ZNF618: variants seen among roughly 807,000 people sequenced by gnomAD.
ZNF618 encodes the protein zinc finger protein 618.
Under a neutral mutation model 103.0 loss-of-function variants are expected in ZNF618, and 34 were observed. The ratio of observed to expected loss-of-function variants is 0.33; its 90% CI spans 0.25 to 0.44. The LOEUF is 0.44. Ranked by LOEUF, ZNF618 falls within the 20% of genes least tolerant of loss-of-function variation. ZNF618 has a pLI of 1.00. For synonymous variants in ZNF618, 551 were observed against 542.2 expected, an observed-to-expected ratio of 1.02 and a Z score of -0.23; for missense variants, 1,059 against 1,295.4, an observed-to-expected ratio of 0.82 and a Z score of 2.80.
chr9:113,968,230 GT>G (rs1337602107), intron 1 of ZNF618, among the ~76,000 whole-genome samples: 1 of 152,172 alleles, frequency 6.6e-6, no homozygotes, highest in Non-Finnish European at 1.5e-5. Context: ...ATATCAATGT[GT>G]TTGATTAGCG....
At chr9:114,016,517 C>T (rs1161449819) in intron 9 of ZNF618, among the ~76,000 whole-genome samples, 178 bp from the exon 10 acceptor site, 2 of 152,074 alleles carry the variant, frequency 1.3e-5, no homozygotes, top group Admixed American at 6.5e-5. Flanking sequence ...CCCGAGGTTA[C>T]CCAGCTCGAA....
chr9:114,047,983 G>A lies in ZNF618; in HGVS notation c.1337G>A (p.Ser446Asn). 6.3e-7 allele frequency: 1 copy of A among 1,587,282 alleles called. No homozygotes were observed. Among genetic ancestry groups the A allele is most frequent in the East Asian group, 2.3e-5 (1 of 43,442 alleles). ...EKWKPQAQRN[S>N]ANNTTTSGLT... ...TGGAAACCTCAGGCCCAGAGGAACA[G>A]TGCCAATAACAGTAGGTCTCCCCAA... Residue 446 changes from serine (S) to asparagine (N), a missense_variant, in exon 14 of 15, where the codon AGT becomes AAT. Transcript: ENST00000374126.
At chr9:113,959,157 C>T (rs748599103) in intron 1 of ZNF618, among the ~76,000 whole-genome samples, 7 of 151,964 alleles carry the variant, frequency 4.6e-5, no homozygotes, top group Admixed American at 2.6e-4. Flanking sequence ...GGCGTCGTGG[C>T]GCATGCCTGT....
intron 1 of ZNF618, among the ~76,000 whole-genome samples, chr9:113,881,537 G>A (rs978387785): frequency 6.6e-6 from 1 of 152,160 alleles, no homozygotes; most frequent in Admixed American, 6.5e-5. Context: ...TTGCGGGGGT[G>A]CTATTGAGTC....
At chr9:113,934,124 A>T (rs145094857) in intron 1 of ZNF618, among the ~76,000 whole-genome samples, 1 of 152,186 alleles carries the variant, frequency 6.6e-6, no homozygotes, top group Non-Finnish European at 1.5e-5. Context: ...AATTGAAGAC[A>T]GAAGTAATGG....
At chr9:113,987,173 C>T (rs1299145788) in intron 2 of ZNF618, among the ~76,000 whole-genome samples, 3 of 152,162 alleles carry the variant, frequency 2.0e-5, no homozygotes, top group South Asian at 2.1e-4. Flanking sequence ...AGCTTCCCCA[C>T]CTCACAGACA....
intron 11 of ZNF618, 142 bp downstream of exon 11, chr9:114,029,114 G>C (rs1007263852): frequency 4.7e-6 from 6 of 1,271,792 alleles, no homozygotes; most frequent in Non-Finnish European, 6.4e-6. Context: ...CTGAGTCCCA[G>C]CTCTGCCTCT....
At chr9:113,991,003 C>G (rs1356476436) in intron 3 of ZNF618, among the ~76,000 whole-genome samples, 9 of 152,168 alleles carry the variant, frequency 5.9e-5, no homozygotes, top group Admixed American at 5.9e-4. Flanking sequence ...CTCATTAGAC[C>G]CAGTAGCTGT....
chr9:114,026,155 A>C (rs898851680), intron 10 of ZNF618, among the ~76,000 whole-genome samples: 1 of 152,218 alleles, frequency 6.6e-6, no homozygotes, highest in Non-Finnish European at 1.5e-5. Context: ...ACCAACAGTC[A>C]AAAGTTTGAG....
chr9:113,986,046 GAC>G (rs1839441743), intron 2 of ZNF618, among the ~76,000 whole-genome samples: 1 of 152,226 alleles, frequency 6.6e-6, no homozygotes, highest in Non-Finnish European at 1.5e-5. Context: ...TGATGGGACA[GAC>G]ACATGAGGAG....
chr9:113,917,830 C>G (rs1047029064), intron 1 of ZNF618, among the ~76,000 whole-genome samples: 2 of 152,192 alleles, frequency 1.3e-5, no homozygotes, highest in African/African-American at 4.8e-5. Flanking sequence ...CATACACTTT[C>G]ACCTAGCTTC....
chr9:113,985,618 C>T (rs142451931), intron 2 of ZNF618, among the ~76,000 whole-genome samples: 75 of 152,344 alleles, frequency 4.9e-4, no homozygotes, highest in Admixed American at 9.2e-4. Context: ...TGCTCACCCA[C>T]GAGCATCTTG....
At chr9:113,970,273 T>C (rs1452680943) in intron 2 of ZNF618, among the ~76,000 whole-genome samples, 2 of 152,078 alleles carry the variant, frequency 1.3e-5, no homozygotes, top group African/African-American at 4.8e-5. Flanking sequence ...CCTTGGAACA[T>C]ACTTTGAGAA....
At chr9:113,985,490 G>A (rs544204619) in intron 2 of ZNF618, among the ~76,000 whole-genome samples, 4 of 152,354 alleles carry the variant, frequency 2.6e-5, no homozygotes, top group Admixed American at 6.5e-5. Flanking sequence ...GCCTTGTGGT[G>A]TCCTGCAGCT....
intron 10 of ZNF618, among the ~76,000 whole-genome samples, chr9:114,025,489 A>G (rs1843412130): frequency 6.6e-6 from 1 of 151,494 alleles, no homozygotes; most frequent in Admixed American, 6.6e-5. Flanking sequence ...TAGATACTGC[A>G]TGTGTGTTTC....
chr9:114,029,551 C>T (rs1843818143), intron 11 of ZNF618, among the ~76,000 whole-genome samples: 1 of 152,162 alleles, frequency 6.6e-6, no homozygotes, highest in Admixed American at 6.5e-5. Context: ...TGTCTTACAT[C>T]CAACCCAGTT....
At chr9:113,963,544 T>C (rs1017534821) in intron 1 of ZNF618, among the ~76,000 whole-genome samples, 3 of 152,118 alleles carry the variant, frequency 2.0e-5, no homozygotes, top group African/African-American at 7.2e-5. Context: ...GCATTCAAAA[T>C]TGTCCCCTAG....
In ZNF618 at chr9:114,048,936, C is replaced by T. The variant is rs551959984; in HGVS notation, c.1634C>T (p.Ala545Val). Reference protein sequence around the residue: ...VKVTCALGSNACLGIGVTCHS... With the variant: ...VKVTCALGSNVCLGIGVTCHS... The stretch of plus-strand genomic sequence containing the variant: ...GTGACCTGTGCCTTGGGCAGCAATG[C>T]CTGCCTAGGCATCGGTGTCACCTGC... The change falls in exon 15 of 15, where the codon GCC becomes GTC. Residue 545 changes from alanine (A) to valine (V), a missense_variant. Physicochemically the swap from Ala to Val is moderately conservative, Grantham distance 64. Around this residue, in one of 6 missense-constraint regions of ZNF618, gnomAD observed 272 missense variants for 380.1 expected, o/e 0.72. Transcript: ENST00000374126. 11 of 1,608,954 alleles carry T rather than the reference C, an allele frequency of 6.8e-6. No individual in the cohort carries two copies. The South Asian group carries it at 1.2e-4, about 18-fold the overall frequency.
At chr9:113,911,733 A>G (rs1449069955) in intron 1 of ZNF618, among the ~76,000 whole-genome samples, 1 of 152,124 alleles carries the variant, frequency 6.6e-6, no homozygotes, top group Non-Finnish European at 1.5e-5. Flanking sequence ...GTGTTATTGC[A>G]AGCCTTGAGG....
Sources: allele counts gnomAD v4.1 joint callset (sites outside exome capture counted in the v4.1 genomes callset), GRCh38; gene constraint gnomAD v4.1.1; regional missense constraint gnomAD v4.1.1; transcripts MANE v1.5; gene names NCBI Gene and HGNC (gene_info 2026-07-23, HGNC 2026-07-21).